PCDH15: variants seen among roughly 807,000 people sequenced by gnomAD.
PCDH15 encodes protocadherin related 15, also known as protocadherin-15.
In PCDH15, 129 loss-of-function variants were observed where a neutral mutation model predicts 178.5. The ratio of observed to expected loss-of-function variants is 0.72; its 90% confidence interval spans 0.63 to 0.84. The LOEUF is 0.84. Ranked by LOEUF, PCDH15 falls within the 40% of genes least tolerant of loss-of-function variation. The probability of loss-of-function intolerance (pLI) is 0.00; values close to 1 mark genes in which losing one functional copy is unlikely to be tolerated. For synonymous variants in PCDH15, 800 were observed against 732.0 expected, an observed-to-expected ratio of 1.09 and a Z score of -1.50; for missense variants, 2,230 against 2,099.9, an observed-to-expected ratio of 1.06 and a Z score of -1.21.
chr10:54,172,392 T>C (rs1212373819), intron 13 of PCDH15, among the ~76,000 whole-genome samples: 1 of 152,002 alleles, frequency 6.6e-6, no homozygotes, highest in Non-Finnish European at 1.5e-5. Context: ...GCCCCACCCT[T>C]ATCTCCCTTA....
intron 15 of PCDH15, among the ~76,000 whole-genome samples, chr10:54,124,139 G>A (rs1361749896): frequency 3.3e-5 from 5 of 152,044 alleles, no homozygotes; most frequent in African/African-American, 1.2e-4. Flanking sequence ...ACGTGTACAT[G>A]TACCCTTTGA....
intron 2 of PCDH15, among the ~76,000 whole-genome samples, chr10:55,105,395 C>T (rs1164678866): frequency 6.6e-6 from 1 of 152,046 alleles, no homozygotes; most frequent in Non-Finnish European, 1.5e-5. Context: ...ATTCAAAGAT[C>T]AACTATACTG....
At chr10:54,171,323 G>C (rs2046881568) in intron 13 of PCDH15, among the ~76,000 whole-genome samples, 1 of 152,118 alleles carries the variant, frequency 6.6e-6, no homozygotes, top group African/African-American at 2.4e-5. Context: ...AACTTAAAAA[G>C]GACTGGACAA....
At chr10:54,035,096 T>A (rs1195257746) in intron 18 of PCDH15, among the ~76,000 whole-genome samples, 1 of 151,830 alleles carries the variant, frequency 6.6e-6, no homozygotes. Context: ...TTCCTGAGAA[T>A]AACAGAATGT....
intron 17 of PCDH15, among the ~76,000 whole-genome samples, chr10:54,077,855 G>C (rs1272023556): frequency 6.6e-6 from 1 of 152,138 alleles, no homozygotes; most frequent in Non-Finnish European, 1.5e-5. Flanking sequence ...CTGAGGTCAG[G>C]AGTTCGAGTC....
chr10:54,206,529 G>C (rs1423247846), intron 10 of PCDH15, among the ~76,000 whole-genome samples: 1 of 152,054 alleles, frequency 6.6e-6, no homozygotes, highest in African/African-American at 2.4e-5. Context: ...ACTGAGGTCT[G>C]ATCCCATTCC....
At chr10:54,933,746 T>C (rs985937667) in intron 2 of PCDH15, among the ~76,000 whole-genome samples, 2 of 152,168 alleles carry the variant, frequency 1.3e-5, no homozygotes, top group African/African-American at 2.4e-5. Context: ...ATTTTAATTA[T>C]GGATTCCATG....
intron 3 of PCDH15, among the ~76,000 whole-genome samples, chr10:54,815,749 A>T (rs1295012936): frequency 6.6e-6 from 1 of 152,114 alleles, no homozygotes; most frequent in East Asian, 1.9e-4. Flanking sequence ...TATATGCTAT[A>T]TAGATTGAGG....
chr10:54,770,824 AC>A (rs370525087), intron 1 of PCDH15, among the ~76,000 whole-genome samples: 16 of 151,848 alleles, frequency 1.1e-4, no homozygotes, highest in East Asian at 9.7e-4. Context: ...CCTTCACTAG[AC>A]CCCCAGAGCT....
At chr10:53,827,642 G>A (rs754805841) in intron 31 of PCDH15, 94 bp from the exon 32 acceptor site, 102 of 1,403,104 alleles carry the variant, frequency 7.3e-5, no homozygotes, top group Middle Eastern at 2.3e-4. Context: ...CAGTTATCAG[G>A]GGAACCCACT....
At chr10:54,345,908 C>G (rs1943201332) in intron 6 of PCDH15, among the ~76,000 whole-genome samples, 1 of 147,928 alleles carries the variant, frequency 6.8e-6, no homozygotes, top group African/African-American at 2.5e-5. Context: ...GTGGCTTTGT[C>G]TTGTCTTCTT....
chr10:53,911,968 C>G (rs563070367), intron 25 of PCDH15, among the ~76,000 whole-genome samples: 4 of 152,138 alleles, frequency 2.6e-5, no homozygotes, highest in Non-Finnish European at 5.9e-5. Context: ...CATCCTGATA[C>G]CAAAGCCTGG....
intron 4 of PCDH15, among the ~76,000 whole-genome samples, chr10:54,378,072 T>C (rs1170789454): frequency 2.0e-5 from 3 of 151,862 alleles, no homozygotes; most frequent in Non-Finnish European, 2.9e-5. Flanking sequence ...TACAGGCACG[T>C]GTTACCATGC....
intron 14 of PCDH15, among the ~76,000 whole-genome samples, chr10:54,142,905 T>A (rs1373483440): frequency 6.6e-6 from 1 of 152,144 alleles, no homozygotes; most frequent in Non-Finnish European, 1.5e-5. Context: ...TATCAAAAGG[T>A]AAATGTTTTT....
chr10:55,451,392 G>A (rs1352064107), intron 2 of PCDH15, among the ~76,000 whole-genome samples: 1 of 152,010 alleles, frequency 6.6e-6, no homozygotes, highest in African/African-American at 2.4e-5. Flanking sequence ...AAGCTACTCG[G>A]GAACCTGAGG....
rs879938253 is a variant in PCDH15, at chr10:54,220,868, A to ATAAC, written c.986-6821_986-6820insGTTA. Among the ~76,000 whole-genome samples, 19 of 143,292 alleles carry ATAAC rather than the reference A, an allele frequency of 1.3e-4. No homozygotes were observed. In the South Asian group the frequency reaches 3.5e-3, roughly 27 times the overall value. The allele number at this position is 143,292 out of a possible 152,430, so 94.0% of individuals were successfully genotyped here. On this transcript the variant is annotated intron_variant, in intron 9 of 37. Transcript: ENST00000644397. ...AATAAATAAATAAATAAATAAATAAATAAGTAAAATAAATACATCTCCTTG... is the reference window on the plus strand; with the variant it reads ...AATAAATAAATAAATAAATAAATAAATAACTAAGTAAAATAAATACATCTCCTTG...
chr10:54,773,687 C>A (rs542446303), intron 1 of PCDH15, among the ~76,000 whole-genome samples: 1 of 152,240 alleles, frequency 6.6e-6, no homozygotes, highest in African/African-American at 2.4e-5. Context: ...TATGTTAAAC[C>A]ATTACCAATA....
chr10:53,987,719 G>T (rs764986152), intron 21 of PCDH15, among the ~76,000 whole-genome samples: 1 of 152,088 alleles, frequency 6.6e-6, no homozygotes, highest in East Asian at 1.9e-4. Context: ...CCGCCCATGG[G>T]TTCCTAATCA....
At chr10:54,436,026 GGAGAGGAGAGA>G (rs60084104) in intron 3 of PCDH15, among the ~76,000 whole-genome samples, 55,316 of 106,360 alleles carry the variant, frequency 0.52, 12,527 homozygotes, top group Middle Eastern at 0.63. Context: ...GGAGAGGAGA[GGAGAGGAGAGA>G]GAGAGAGAGA....
Sources: gnomAD v4.1 joint callset for allele counts (sites outside exome capture counted in the v4.1 genomes callset) on GRCh38, gnomAD v4.1.1 for gene constraint, MANE v1.5 for transcripts, NCBI Gene and HGNC (gene_info 2026-07-23, HGNC 2026-07-21) for gene names.